The following OGFOD3 variants were observed in gnomAD, a reference collection of about 807,000 sequenced individuals.
OGFOD3 encodes 2-oxoglutarate and iron dependent oxygenase domain containing 3.
Under a neutral mutation model 39.8 loss-of-function variants are expected in OGFOD3, and 35 were observed. The ratio of observed to expected loss-of-function variants is 0.88; its 90% CI spans 0.67 to 1.17. The LOEUF is 1.17. Ranked by LOEUF, OGFOD3 falls within the 50% of genes most tolerant of loss-of-function variation. The probability of loss-of-function intolerance (pLI) is 0.00; values close to 1 mark genes in which losing one functional copy is unlikely to be tolerated. For missense variants in OGFOD3, 438 were observed against 454.5 expected (o/e 0.96, Z 0.33); for synonymous variants, 200 against 192.0 (o/e 1.04, Z -0.34).
At chr17:82,414,437 T>C (rs867238676) in intron 2 of OGFOD3, among the ~76,000 whole-genome samples, 1 of 152,162 alleles carries the variant, frequency 6.6e-6, no homozygotes, top group Admixed American at 6.6e-5. Context: ...CTCCAGGCCA[T>C]TGAAACTATT....
intron 7 of OGFOD3, among the ~76,000 whole-genome samples, chr17:82,402,200 C>T (rs1490416513): frequency 1.3e-5 from 2 of 151,678 alleles, no homozygotes; most frequent in Non-Finnish European, 2.9e-5. Context: ...TTTGGGAGGC[C>T]GAGGCAGGTG....
chr17:82,390,246 G>A lies in OGFOD3; in HGVS notation c.*2152C>T, dbSNP rs1017011962. On this transcript the variant is annotated 3_prime_UTR_variant, in exon 9 of 9. Transcript: ENST00000313056. This position sits in a 1 kb window ranked among gnomAD's most constrained non-coding sequence, Gnocchi z 4.9. ...CCGGCGACATCATCATTTACTCCAA[G>A]GTGACAGGATCAGGTTTCCATGCAG... 2.0e-5 allele frequency: 3 copies of A among 152,238 alleles called. No individual in the cohort carries two copies. Among genetic ancestry groups the A allele is most frequent in the African/African-American group, 7.2e-5 (3 of 41,430 alleles). The allele number at this position is 152,238 out of a possible 1,614,324, so 9.4% of individuals were successfully genotyped here. A position where few individuals can be genotyped will look rare whatever the true frequency, so the allele number is the denominator to read the frequency against.
intron 7 of OGFOD3, among the ~76,000 whole-genome samples, chr17:82,403,708 A>C (rs2052802153): frequency 1.3e-5 from 2 of 151,876 alleles, no homozygotes; most frequent in Admixed American, 6.6e-5. Context: ...GCCCCAGGCC[A>C]CGGGAGAACA....
rs893240644 is a variant in OGFOD3, at chr17:82,415,010, C to G, written c.304+388G>C. ...CTCTCAGGCCCAGGCAGAACGGGAG[C>G]GGGGGAGGGGAGCTGGGGCACAGGA... is the stretch of plus-strand genomic sequence containing the variant. On this transcript the variant is annotated intron_variant, in intron 2 of 8. Coordinates refer to ENST00000313056, the MANE Select transcript of OGFOD3 (RefSeq NM_024648.3). This position sits in a 1 kb window ranked among gnomAD's most constrained non-coding sequence, Gnocchi z 5.3. Among the ~76,000 whole-genome samples, 2 of 152,104 alleles carry G rather than the reference C, an allele frequency of 1.3e-5. No homozygotes were observed. The highest frequency in any genetic ancestry group is 2.4e-5 in the African/African-American group (1 of 41,416).
rs1416864245 is a variant in OGFOD3 at position 82,392,565 on chromosome 17, T to C, written c.824-31A>G. The C allele has an allele frequency of 1.9e-6, 3 of 1,563,622 alleles. No homozygotes were observed. Among genetic ancestry groups the C allele is most frequent in the Non-Finnish European group, 2.6e-6 (3 of 1,154,356 alleles). The stretch of plus-strand genomic sequence containing the variant: ...AGAGGAGAAGAGAGAGAGGTGGCCA[T>C]AGAGCCACACCCACGGCCACAGCCT... On this transcript the variant is annotated intron_variant, in intron 8 of 8. Transcript: ENST00000313056. This position sits in a 1 kb window ranked among gnomAD's most constrained non-coding sequence, Gnocchi z 4.2.
intron 7 of OGFOD3, 108 bp downstream of exon 7, chr17:82,403,829 C>T: frequency 6.9e-7 from 1 of 1,457,858 alleles, no homozygotes; most frequent in Admixed American, 2.0e-5. Flanking sequence ...CGGGCACGCT[C>T]ACCTTGTCCA....
chr17:82,407,594 C>T lies in OGFOD3; in HGVS notation c.424-1112G>A, dbSNP rs9893579. Reference sequence around the variant, plus strand: ...GTCCTCAGAGGAAGAGGCTTCCAGCCCACGTTAGTCATCCCACCTGTGACC... The same window carrying T: ...GTCCTCAGAGGAAGAGGCTTCCAGCTCACGTTAGTCATCCCACCTGTGACC... On this transcript the variant is annotated intron_variant, in intron 4 of 8. Coordinates refer to ENST00000313056, the MANE Select transcript of OGFOD3 (RefSeq NM_024648.3). Among the ~76,000 whole-genome samples the T allele has an allele frequency of 5.3e-3, 812 of 152,328 alleles. 6 individuals carry two copies. The highest frequency in any genetic ancestry group is 0.018 in the African/African-American group (764 of 41,576).
At chr17:82,394,288 C>T (rs374193211) in intron 8 of OGFOD3, 1 of 1,486,064 alleles carries the variant, frequency 6.7e-7, no homozygotes. Flanking sequence ...CCACGCCCGG[C>T]CTAAGATGCA....
chr17:82,401,806 A>AAAAAAAAAAAAAAAAAAAAAAAAC, intron 7 of OGFOD3, among the ~76,000 whole-genome samples: 1 of 90,066 alleles, frequency 1.1e-5, no homozygotes, highest in Non-Finnish European at 3.3e-5. Context: ...TCCATCTCAA[A>AAAAAAAAAAAAAAAAAAAAAAAAC]AAAAAAAAAA....
chr17:82,389,310 G>A lies in OGFOD3; in HGVS notation c.*3088C>T, dbSNP rs916648567. 1 of 152,170 alleles carries A rather than the reference G, an allele frequency of 6.6e-6. No homozygotes were observed. The highest frequency in any genetic ancestry group is 6.6e-5 in the Admixed American group (1 of 15,266). The allele number at this position is 152,170 out of a possible 1,614,324, so 9.4% of individuals were successfully genotyped here. A position where few individuals can be genotyped will look rare whatever the true frequency, so the allele number is the denominator to read the frequency against. ...ATCACTCATCAGAGGACACACCTGA[G>A]ACTCCAGTTCCTCCCTGGAACCTTC... On this transcript the variant is annotated 3_prime_UTR_variant, in exon 9 of 9. Coordinates refer to ENST00000313056, the MANE Select transcript of OGFOD3 (RefSeq NM_024648.3). The surrounding 1 kb of genome is among the most constrained non-coding windows in gnomAD (Gnocchi z 4.6).
At chr17:82,402,427 T>G (rs1168146980) in intron 7 of OGFOD3, among the ~76,000 whole-genome samples, 1 of 144,648 alleles carries the variant, frequency 6.9e-6, no homozygotes, top group African/African-American at 2.6e-5. Flanking sequence ...AGAACAAGAC[T>G]GTCTCAAAAA....
In OGFOD3 at chr17:82,404,365, T is replaced by C. The variant is rs571406484; in HGVS notation, c.546-275A>G. Among the ~76,000 whole-genome samples the C allele has an allele frequency of 6.6e-6, 1 of 152,232 alleles. No individual in the cohort carries two copies. The highest frequency in any genetic ancestry group is 1.9e-4 in the East Asian group (1 of 5,176). On this transcript the variant is annotated intron_variant, in intron 6 of 8. Transcript: ENST00000313056. The surrounding 1 kb of genome is among the most constrained non-coding windows in gnomAD (Gnocchi z 4.5). ...GCAGGACCAACGCTGGGGAGGCTGGTGTGGAGTCAGGCCCCAGATGCCAGA... is the reference window on the plus strand; with the variant it reads ...GCAGGACCAACGCTGGGGAGGCTGGCGTGGAGTCAGGCCCCAGATGCCAGA...
At position 82,415,501 on chromosome 17, in the gene OGFOD3, G is replaced by T. The variant is rs8072110; in HGVS notation, c.201C>A (p.Asp67Glu). ...ALLLWSSLGADDGVAEVLARR... is the reference protein window; with the variant it reads ...ALLLWSSLGAEDGVAEVLARR... ...GGGCCAGGACCTCTGCGACCCCGTC[G>T]TCGGCCCCCAAGCTGCTCCAGAGCA... is the stretch of plus-strand genomic sequence containing the variant. The change falls in exon 2 of 9, where the codon GAC becomes GAA. Residue 67 changes from aspartate (D) to glutamate (E), a missense_variant. Asp to Glu is a conservative substitution (Grantham distance 45). Transcript: ENST00000313056. The surrounding 1 kb of genome is among the most constrained non-coding windows in gnomAD (Gnocchi z 5.3). The T allele has an allele frequency of 0.07, 113,463 of 1,613,590 alleles. 4,289 individuals carry two copies. Among genetic ancestry groups the T allele is most frequent in the South Asian group, 0.077 (7,031 of 91,062 alleles).
intron 6 of OGFOD3, 41 bp downstream of exon 6, chr17:82,405,283 C>T (rs745577600): frequency 2.5e-6 from 4 of 1,581,392 alleles, no homozygotes; most frequent in Admixed American, 1.7e-5. Context: ...AGCCCCAGGC[C>T]ACCCCGCCTG....
In OGFOD3 at chr17:82,404,366, G is replaced by A. The variant is rs563327040; in HGVS notation, c.546-276C>T. Among the ~76,000 whole-genome samples the A allele has an allele frequency of 1.3e-5, 2 of 152,232 alleles. No homozygotes were observed. The highest frequency in any genetic ancestry group is 6.5e-5 in the Admixed American group (1 of 15,284). ...CAGGACCAACGCTGGGGAGGCTGGTGTGGAGTCAGGCCCCAGATGCCAGAG... is the reference window on the plus strand; with the variant it reads ...CAGGACCAACGCTGGGGAGGCTGGTATGGAGTCAGGCCCCAGATGCCAGAG... On this transcript the variant is annotated intron_variant, in intron 6 of 8. Coordinates refer to ENST00000313056, the MANE Select transcript of OGFOD3 (RefSeq NM_024648.3). This position sits in a 1 kb window ranked among gnomAD's most constrained non-coding sequence, Gnocchi z 4.5.
At chr17:82,394,841 A>C (rs569049491) in intron 8 of OGFOD3, among the ~76,000 whole-genome samples, 4 of 152,292 alleles carry the variant, frequency 2.6e-5, no homozygotes, top group African/African-American at 9.6e-5. Context: ...CCAGCCCCCC[A>C]GTAAAAACCC....
Position 82,418,552 on chromosome 17 carries a change from G to A in OGFOD3, c.-67C>T. Reference sequence around the variant, plus strand: ...GGCCCGGGGACGAACGCCGTAACAGGGAGCGCGAGGCAGGCACGGCGCAGG... The same window carrying A: ...GGCCCGGGGACGAACGCCGTAACAGAGAGCGCGAGGCAGGCACGGCGCAGG... On this transcript the variant is annotated 5_prime_UTR_variant, in exon 1 of 9. Coordinates refer to ENST00000313056, the MANE Select transcript of OGFOD3 (RefSeq NM_024648.3). The A allele has an allele frequency of 1.1e-6, 1 of 893,344 alleles. No individual in the cohort carries two copies. The highest frequency in any genetic ancestry group is 1.5e-6 in the Non-Finnish European group (1 of 668,272). 55.3% of individuals were successfully genotyped at this position (893,344 alleles called of 1,614,324 possible). A position where few individuals can be genotyped will look rare whatever the true frequency, so the allele number is the denominator to read the frequency against.
rs181139732 is a variant in OGFOD3 at position 82,410,362 on chromosome 17, G to T, written c.381-952C>A. Among the ~76,000 whole-genome samples the T allele has an allele frequency of 2.6e-3, 402 of 152,364 alleles. 1 individual carries two copies. The highest frequency in any genetic ancestry group is 9.1e-3 in the African/African-American group (379 of 41,574). ...CTGCACACCATTCCACATGCTTATC[G>T]TCTCAACAAGTGGTTGGAAAATCAA... On this transcript the variant is annotated intron_variant, in intron 3 of 8. Transcript: ENST00000313056.
intron 4 of OGFOD3, among the ~76,000 whole-genome samples, chr17:82,407,615 T>C (rs1470784326): frequency 6.6e-6 from 1 of 152,238 alleles, no homozygotes; most frequent in Non-Finnish European, 1.5e-5. Context: ...ATCCCACCTG[T>C]GACCCCAGAG....
Sources: allele counts gnomAD v4.1 joint callset (sites outside exome capture counted in the v4.1 genomes callset), GRCh38; gene constraint gnomAD v4.1.1; non-coding constraint Gnocchi (gnomAD v3.1); transcripts MANE v1.5; gene names NCBI Gene and HGNC (gene_info 2026-07-23, HGNC 2026-07-21).